SCNN1B: variants seen among roughly 807,000 people sequenced by gnomAD.
The protein encoded by SCNN1B is sodium channel epithelial 1 subunit beta.
Under a neutral mutation model 65.3 loss-of-function variants are expected in SCNN1B, and 46 were observed. The ratio of observed to expected loss-of-function variants is 0.70; its 90% CI spans 0.56 to 0.90. The LOEUF (loss-of-function observed/expected upper bound fraction) is 0.90. SCNN1B is among the 40% of genes least tolerant of loss of function. The pLI is 0.00. For missense variants in SCNN1B, 751 were observed against 830.5 expected, an observed-to-expected ratio of 0.90 and a Z score of 1.18; for synonymous variants, 349 against 330.6, an observed-to-expected ratio of 1.06 and a Z score of -0.60.
At chr16:23,324,427 T>C (rs181533116) in intron 1 of SCNN1B, among the ~76,000 whole-genome samples, 2 of 152,152 alleles carry the variant, frequency 1.3e-5, no homozygotes, top group African/African-American at 4.8e-5. Flanking sequence ...GGTCTGGAAC[T>C]CCTGGCTTCA....
At chr16:23,287,321 A>T (rs1029278922) in intron 2 of SCNN1B, among the ~76,000 whole-genome samples, 6 of 151,658 alleles carry the variant, frequency 4.0e-5, no homozygotes, top group Non-Finnish European at 5.9e-5. Context: ...TAATTTTTTT[A>T]AAAAAGAGAG....
At chr16:23,328,247 G>A (rs889853570) in intron 1 of SCNN1B, among the ~76,000 whole-genome samples, 5 of 152,086 alleles carry the variant, frequency 3.3e-5, no homozygotes, top group Admixed American at 3.3e-4. Context: ...TATGTTGAGG[G>A]GTATTAGAAA....
intron 1 of SCNN1B, among the ~76,000 whole-genome samples, chr16:23,325,340 C>T (rs1435135225): frequency 1.3e-5 from 2 of 152,004 alleles, no homozygotes; most frequent in Non-Finnish European, 2.9e-5. Flanking sequence ...GATCTCAGCT[C>T]ATTGCAACCT....
At chr16:23,344,723 G>C (rs940172888) in intron 1 of SCNN1B, among the ~76,000 whole-genome samples, 1 of 152,188 alleles carries the variant, frequency 6.6e-6, no homozygotes, top group Non-Finnish European at 1.5e-5. Flanking sequence ...GTGGGGTGCA[G>C]TGGCTCACAC....
In SCNN1B at chr16:23,348,766, C is replaced by T; in HGVS notation, c.167C>T (p.Thr56Ile). The T allele has an allele frequency of 1.2e-6, 2 of 1,614,194 alleles. No homozygotes were observed. The highest frequency in any genetic ancestry group is 1.7e-6 in the Non-Finnish European group (2 of 1,180,030). Residue 56 changes from threonine to isoleucine, a missense_variant, in exon 2 of 13, where the codon ACC becomes ATC. Coordinates refer to ENST00000343070, the MANE Select transcript of SCNN1B (RefSeq NM_000336.3). The surrounding 1 kb of genome is among the most constrained non-coding windows in gnomAD (Gnocchi z 4.5). ...PKKKAMWFLLTLLFAALVCWQ... is the reference protein window; with the variant it reads ...PKKKAMWFLLILLFAALVCWQ... ...AAGAAAGCCATGTGGTTCCTGCTCA[C>T]CCTGCTCTTCGCCGCCCTCGTCTGC...
Position 23,377,786 on chromosome 16 carries a change from C to T in SCNN1B, c.1404+400C>T, listed in dbSNP as rs111993433. ...TCCTTCCTCCTTTCTTCCTCCCTCC[C>T]TTCCTTCTTTCCTTCCTTCCTTCTT... On this transcript the variant is annotated intron_variant, in intron 10 of 12. Transcript: ENST00000343070. 1.8e-3 allele frequency among the ~76,000 whole-genome samples: 185 copies of T among 100,342 alleles called. 1 individual carries two copies. The highest frequency in any genetic ancestry group is 6.6e-3 in the African/African-American group (182 of 27,540). The allele number at this position is 100,342 out of a possible 152,430, so 65.8% of individuals were successfully genotyped here. A position where few individuals can be genotyped will look rare whatever the true frequency, so the allele number is the denominator to read the frequency against.
At chr16:23,288,008 T>G (rs62029374) in intron 2 of SCNN1B, among the ~76,000 whole-genome samples, 1 of 145,546 alleles carries the variant, frequency 6.9e-6, no homozygotes, top group Non-Finnish European at 1.5e-5. Flanking sequence ...AAAAAAAAAT[T>G]AGCTGGGCAT....
intron 1 of SCNN1B, among the ~76,000 whole-genome samples, chr16:23,318,058 C>G (rs370723057): frequency 6.6e-6 from 1 of 152,206 alleles, no homozygotes; most frequent in Admixed American, 6.5e-5. Flanking sequence ...AAGAGGCAAA[C>G]GGCCCAGGTT....
At chr16:23,292,756 G>A (rs554387978) in intron 2 of SCNN1B, among the ~76,000 whole-genome samples, 49 of 149,668 alleles carry the variant, frequency 3.3e-4, no homozygotes, top group Non-Finnish European at 5.6e-4. Flanking sequence ...CGCCCACCTC[G>A]GCCTCCCAAA....
intron 1 of SCNN1B, among the ~76,000 whole-genome samples, chr16:23,318,305 A>G (rs1338507865): frequency 6.6e-6 from 1 of 152,118 alleles, no homozygotes; most frequent in Non-Finnish European, 1.5e-5. Context: ...CTCGTCTAAA[A>G]AACAGGTGTA....
upstream of SCNN1B, among the ~76,000 whole-genome samples, chr16:23,299,657 G>C (rs1237504839): frequency 2.0e-5 from 3 of 152,206 alleles, no homozygotes; most frequent in African/African-American, 7.2e-5. Flanking sequence ...TCTCACACCA[G>C]TTAGAATGGC....
At chr16:23,377,420 AC>A (rs1962924469) in intron 10 of SCNN1B, 34 bp downstream of exon 10, 1 of 1,610,864 alleles carries the variant, frequency 6.2e-7, no homozygotes, top group Non-Finnish European at 8.5e-7. Context: ...CCTGGCTCCC[AC>A]CTTTGGCTGG....
intron 1 of SCNN1B, among the ~76,000 whole-genome samples, chr16:23,341,558 C>T (rs1296615897): frequency 6.6e-6 from 1 of 152,108 alleles, no homozygotes; most frequent in Non-Finnish European, 1.5e-5. Flanking sequence ...CAAGTCCTGT[C>T]TGTTAAGGGA....
intron 7 of SCNN1B, among the ~76,000 whole-genome samples, chr16:23,375,167 C>T (rs1161929023): frequency 6.6e-6 from 1 of 152,108 alleles, no homozygotes; most frequent in Non-Finnish European, 1.5e-5. Flanking sequence ...TGGGAGCCCT[C>T]CTCTTCCTCG....
intron 1 of SCNN1B, among the ~76,000 whole-genome samples, chr16:23,321,043 T>G (rs917562938): frequency 1.3e-5 from 2 of 152,040 alleles, no homozygotes; most frequent in Non-Finnish European, 2.9e-5. Context: ...TTCCTGGACT[T>G]TATTTTATTT....
intron 1 of SCNN1B, among the ~76,000 whole-genome samples, chr16:23,331,097 G>A (rs143523535): frequency 9.2e-5 from 14 of 152,250 alleles, no homozygotes; most frequent in Admixed American, 2.0e-4. Flanking sequence ...GGGCACAGCC[G>A]AGCTGCATTG....
intron 4 of SCNN1B, among the ~76,000 whole-genome samples, chr16:23,360,789 G>GTTTT (rs1567311769): frequency 2.0e-5 from 3 of 150,440 alleles, no homozygotes; most frequent in African/African-American, 7.3e-5. Flanking sequence ...TTTGGTTTTT[G>GTTTT]GTTTTGTTTT....
At chr16:23,343,640 AAAG>A (rs1962122672) in intron 1 of SCNN1B, among the ~76,000 whole-genome samples, 1 of 133,740 alleles carries the variant, frequency 7.5e-6, no homozygotes, top group Admixed American at 7.3e-5. Flanking sequence ...AGAAAGAAAG[AAAG>A]AAAGAAAAAA....
chr16:23,363,570 AG>A (rs1337525188), intron 4 of SCNN1B, among the ~76,000 whole-genome samples: 1 of 152,214 alleles, frequency 6.6e-6, no homozygotes, highest in Admixed American at 6.5e-5. Context: ...CCCAGCATTT[AG>A]GGAGGCTGAG....
Sources: gnomAD v4.1 joint callset for allele counts (sites outside exome capture counted in the v4.1 genomes callset) on GRCh38, gnomAD v4.1.1 for gene constraint, Gnocchi (gnomAD v3.1) non-coding constraint, MANE v1.5 for transcripts, NCBI Gene and HGNC (gene_info 2026-07-23, HGNC 2026-07-21) for gene names.